Variants in FAM193A observed in about 807,000 individuals in gnomAD.
FAM193A encodes family with sequence similarity 193 member A, also known as protein FAM193A.
In FAM193A, 22 loss-of-function variants were observed where a neutral mutation model predicts 126.5. That is an observed-to-expected ratio of 0.17 (90% confidence interval 0.12 to 0.25). FAM193A has a LOEUF of 0.25. Ranked by LOEUF, FAM193A falls within the 10% of genes least tolerant of loss-of-function variation. The pLI is 1.00. For synonymous variants in FAM193A, 761 were observed against 646.8 expected, an observed-to-expected ratio of 1.18 and a Z score of -2.68; for missense variants, 1,675 against 1,672.8, an observed-to-expected ratio of 1.00 and a Z score of -0.02.
chr4:2,552,732 T>A (rs1241217363), intron 1 of FAM193A, among the ~76,000 whole-genome samples: 3 of 151,426 alleles, frequency 2.0e-5, no homozygotes, highest in Non-Finnish European at 4.4e-5. Flanking sequence ...AGAGACGGGG[T>A]TTCACCGTGT....
At chr4:2,720,754 A>C (rs1427184494) in intron 20 of FAM193A, among the ~76,000 whole-genome samples, 1 of 152,190 alleles carries the variant, frequency 6.6e-6, no homozygotes, top group African/African-American at 2.4e-5. Context: ...CTCACTATCC[A>C]CAGATAAATC....
chr4:2,663,197 C>A lies in FAM193A; in HGVS notation c.1988C>A (p.Ala663Asp). ...GAGAGTAGTGGGGAGCCCCCAGGGG[C>A]CCCGAAGGAAGATGGAGTGCTGGGA... ...DGESSGEPPGAPKEDGVLGSR... is the reference protein window; with the variant it reads ...DGESSGEPPGDPKEDGVLGSR... Residue 663 changes from alanine (A) to aspartate (D), a missense_variant, in exon 12 of 21, where the codon GCC becomes GAC. Transcript: ENST00000637812. The A allele has an allele frequency of 6.2e-7, 1 of 1,614,130 alleles. No individual in the cohort carries two copies. Among genetic ancestry groups the A allele is most frequent in the Non-Finnish European group, 8.5e-7 (1 of 1,179,988 alleles).
At chr4:2,545,749 A>G (rs905120532) in intron 1 of FAM193A, among the ~76,000 whole-genome samples, 3 of 152,186 alleles carry the variant, frequency 2.0e-5, no homozygotes, top group Non-Finnish European at 2.9e-5. Context: ...TGTTATGACA[A>G]TGGCTCATTG....
chr4:2,552,569 C>T (rs846089), intron 1 of FAM193A, among the ~76,000 whole-genome samples: 39,626 of 151,770 alleles, frequency 0.26, 5,699 homozygotes, highest in Middle Eastern at 0.37. Flanking sequence ...GACGGAGTCT[C>T]GCTCTGTCCC....
Position 2,699,695 on chromosome 4 carries a change from C to T in FAM193A, c.3523C>T (p.Arg1175Cys), listed in dbSNP as rs1717474869. Residue 1175 changes from arginine (R) to cysteine (C), a missense_variant, in exon 19 of 21, where the codon CGC (arginine) becomes TGC (cysteine). Transcript: ENST00000637812. ...HKQRKLEEKARLEAEARAREH... is the reference protein window; with the variant it reads ...HKQRKLEEKACLEAEARAREH... ...GCATTGGCAGCTGGAGGAGAAAGCTCGCCTAGAAGCAGAGGCCAGGGCCCG... is the reference window on the plus strand; with the variant it reads ...GCATTGGCAGCTGGAGGAGAAAGCTTGCCTAGAAGCAGAGGCCAGGGCCCG... 1 of 1,596,016 alleles carries T rather than the reference C, an allele frequency of 6.3e-7. No individual in the cohort carries two copies. The highest frequency in any genetic ancestry group is 8.5e-7 in the Non-Finnish European group (1 of 1,173,558).
intron 19 of FAM193A, among the ~76,000 whole-genome samples, chr4:2,701,494 C>T (rs1717726587): frequency 6.6e-6 from 1 of 151,956 alleles, no homozygotes; most frequent in Non-Finnish European, 1.5e-5. Flanking sequence ...GTTCAGATAC[C>T]ATGTTTTGGC....
At chr4:2,658,636 C>T (rs1712008809) in intron 8 of FAM193A, among the ~76,000 whole-genome samples, 1 of 152,220 alleles carries the variant, frequency 6.6e-6, no homozygotes. Flanking sequence ...CCATGCCTGT[C>T]TCCACATTTG....
rs542777826 is a variant in FAM193A, at chr4:2,565,217, T to C, written c.255+28047T>C. Among the ~76,000 whole-genome samples, 10 of 149,086 alleles carry C rather than the reference T, an allele frequency of 6.7e-5. No individual in the cohort carries two copies. In the South Asian group the frequency reaches 2.1e-3, roughly 32 times the overall value. ...AATGATTTCATTAGTAAACAAGGTTTTGTGGGAAAACTGGATATACACAAT... is the reference window on the plus strand; with the variant it reads ...AATGATTTCATTAGTAAACAAGGTTCTGTGGGAAAACTGGATATACACAAT... On this transcript the variant is annotated intron_variant, in intron 1 of 20. Coordinates refer to ENST00000637812, the MANE Select transcript of FAM193A (RefSeq NM_001366318.2).
chr4:2,626,512 G>T lies in FAM193A; in HGVS notation c.738G>T (p.Pro246=), dbSNP rs1324364029. The T allele has an allele frequency of 4.3e-6, 3 of 702,438 alleles. No individual in the cohort carries two copies. The highest frequency in any genetic ancestry group is 3.0e-5 in the South Asian group (2 of 67,570). The allele number at this position is 702,438 out of a possible 1,614,324, so 43.5% of individuals were successfully genotyped here. A position where few individuals can be genotyped will look rare whatever the true frequency, so the allele number is the denominator to read the frequency against. Residue 246 remains proline, a synonymous_variant, in exon 4 of 21, where the codon CCG becomes CCT. Coordinates refer to ENST00000637812, the MANE Select transcript of FAM193A (RefSeq NM_001366318.2). The part of the protein sequence containing the change: ...VRCIYRQAGT[P]LADDQDQSLV... Reference sequence around the variant, plus strand: ...GCATCTACCGCCAGGCAGGAACCCCGCTGGCAGATGACCAGGACCAGTCTC... The same window carrying T: ...GCATCTACCGCCAGGCAGGAACCCCTCTGGCAGATGACCAGGACCAGTCTC...
intron 1 of FAM193A, among the ~76,000 whole-genome samples, chr4:2,595,314 G>A (rs1202560378): frequency 6.6e-6 from 1 of 152,194 alleles, no homozygotes; most frequent in East Asian, 1.9e-4. Flanking sequence ...CTCCCCAGGT[G>A]CTGGGATCAC....
intron 13 of FAM193A, among the ~76,000 whole-genome samples, chr4:2,682,426 G>A (rs879900933): frequency 6.6e-6 from 1 of 152,206 alleles, no homozygotes; most frequent in African/African-American, 2.4e-5. Context: ...GGCCTCCTGA[G>A]TAGCTGGGAC....
chr4:2,665,093 G>A (rs527783850), intron 12 of FAM193A, among the ~76,000 whole-genome samples: 2 of 152,246 alleles, frequency 1.3e-5, no homozygotes, highest in East Asian at 3.9e-4. Flanking sequence ...TAACAAAATT[G>A]AGTCTTCTAA....
At chr4:2,702,520 A>G (rs1717846400) in intron 19 of FAM193A, among the ~76,000 whole-genome samples, 1 of 152,176 alleles carries the variant, frequency 6.6e-6, no homozygotes, top group Non-Finnish European at 1.5e-5. Context: ...GCAGAGCAGG[A>G]GGAGTGGGGG....
At chr4:2,691,850 G>T (rs942791821) in intron 15 of FAM193A, among the ~76,000 whole-genome samples, 1 of 152,028 alleles carries the variant, frequency 6.6e-6, no homozygotes, top group Non-Finnish European at 1.5e-5. Context: ...CATAAGGATT[G>T]GGATGCTCAA....
At chr4:2,600,551 G>A (rs766237104) in intron 2 of FAM193A, among the ~76,000 whole-genome samples, 1 of 152,046 alleles carries the variant, frequency 6.6e-6, no homozygotes, top group Non-Finnish European at 1.5e-5. Flanking sequence ...TTGCTTCTTA[G>A]ACTACGTGTA....
chr4:2,585,718 G>A (rs1300727174), intron 1 of FAM193A, among the ~76,000 whole-genome samples: 1 of 152,174 alleles, frequency 6.6e-6, no homozygotes, highest in African/African-American at 2.4e-5. Context: ...CCTGAGGTCA[G>A]GCGTTCAAGA....
chr4:2,586,655 A>G (rs537446731), intron 1 of FAM193A, among the ~76,000 whole-genome samples: 234 of 152,154 alleles, frequency 1.5e-3, no homozygotes, highest in Non-Finnish European at 2.7e-3. Context: ...GAATTATTAT[A>G]GCATTTGTTG....
chr4:2,660,807 G>A (rs946422135), intron 10 of FAM193A, among the ~76,000 whole-genome samples: 2 of 152,144 alleles, frequency 1.3e-5, no homozygotes, highest in African/African-American at 2.4e-5. Context: ...GGTGACTGAC[G>A]TTTTCCTTCA....
chr4:2,726,480 C>T (rs1323376423), intron 20 of FAM193A, among the ~76,000 whole-genome samples: 1 of 152,172 alleles, frequency 6.6e-6, no homozygotes, highest in Non-Finnish European at 1.5e-5. Context: ...AAACTGCCTT[C>T]TCTGGCCTTG....
Sources: allele counts gnomAD v4.1 joint callset (sites outside exome capture counted in the v4.1 genomes callset), GRCh38; gene constraint gnomAD v4.1.1; transcripts MANE v1.5; gene names NCBI Gene and HGNC (gene_info 2026-07-23, HGNC 2026-07-21).